SNAP91: variants seen among roughly 807,000 people sequenced by gnomAD.
The protein encoded by SNAP91 is clathrin coat assembly protein AP180.
A neutral mutation model predicts 100.3 loss-of-function variants in SNAP91; 27 were observed. The observed-to-expected ratio is 0.27, with a 90% CI of 0.20 to 0.37. SNAP91 has a LOEUF of 0.37. Ranked by LOEUF, SNAP91 falls within the 10% of genes least tolerant of loss-of-function variation. SNAP91 has a pLI of 1.00. For synonymous variants in SNAP91, 404 were observed against 398.6 expected (o/e 1.01, Z -0.16); for missense variants, 986 against 1,123.7 (o/e 0.88, Z 1.75).
intron 3 of SNAP91, among the ~76,000 whole-genome samples, chr6:83,664,378 T>A (rs1002561027): frequency 6.6e-6 from 1 of 152,098 alleles, no homozygotes; most frequent in African/African-American, 2.4e-5. Context: ...CCATTCTAGA[T>A]GCCATTAAAA....
intron 2 of SNAP91, among the ~76,000 whole-genome samples, chr6:83,701,280 T>A (rs373252171): frequency 6.6e-6 from 1 of 151,948 alleles, no homozygotes; most frequent in South Asian, 2.1e-4. Flanking sequence ...AAGATAGAGA[T>A]GACAGAGAGA....
intron 11 of SNAP91, 104 bp downstream of exon 11, chr6:83,614,753 A>T: frequency 1.2e-6 from 1 of 817,834 alleles, no homozygotes; most frequent in Non-Finnish European, 1.9e-6. Flanking sequence ...AAGGGACAGA[A>T]ATCAGTTTTA....
At chr6:83,601,640 A>T in intron 14 of SNAP91, 41 bp from the exon 15 acceptor site, 1 of 1,604,738 alleles carries the variant, frequency 6.2e-7, no homozygotes, top group Non-Finnish European at 8.5e-7. Context: ...AATAAATAAG[A>T]GCTAAAGTTG....
At chr6:83,597,319 C>A (rs1382733503) in intron 16 of SNAP91, among the ~76,000 whole-genome samples, 5 of 152,070 alleles carry the variant, frequency 3.3e-5, no homozygotes, top group African/African-American at 4.8e-5. Context: ...AGTCAGCCAC[C>A]AGAACTGTGA....
At chr6:83,607,042 T>C (rs1460958551) in intron 13 of SNAP91, among the ~76,000 whole-genome samples, 1 of 152,176 alleles carries the variant, frequency 6.6e-6, no homozygotes. Context: ...AGGGCATTCA[T>C]AATCAGAGTC....
chr6:83,607,799 C>G lies in SNAP91; in HGVS notation c.922G>C (p.Ala308Pro), dbSNP rs2095728801. 1 of 1,578,064 alleles carries G rather than the reference C, an allele frequency of 6.3e-7. No homozygotes were observed. The highest frequency in any genetic ancestry group is 1.4e-5 in the African/African-American group (1 of 74,066). Residue 308 changes from alanine (A) to proline (P), a missense_variant, in exon 13 of 30, where the codon GCC (alanine) becomes CCC (proline). Ala to Pro is a conservative substitution (Grantham distance 27). This residue lies in a region of SNAP91 where 330 missense variants were observed against 447.5 expected (regional missense o/e 0.74). Coordinates refer to ENST00000369694, the MANE Select transcript of SNAP91 (RefSeq NM_001242792.2). The stretch of plus-strand genomic sequence containing the variant: ...GAATTAGGAGACGTAACAGTTGTGG[C>G]TGGAGAAGACTGAAAGTGAAGATGC... ...APSPLSKSSP[A>P]TTVTSPNSTP...
At chr6:83,707,746 T>G in intron 2 of SNAP91, 52 bp downstream of exon 2, 1 of 1,604,254 alleles carries the variant, frequency 6.2e-7, no homozygotes, top group Non-Finnish European at 8.5e-7. Context: ...ACCACCAGCA[T>G]CCCAGGCGCC....
chr6:83,669,128 T>C (rs533105475), intron 2 of SNAP91, among the ~76,000 whole-genome samples: 5 of 152,030 alleles, frequency 3.3e-5, no homozygotes, highest in Non-Finnish European at 7.4e-5. Flanking sequence ...CATTGTAAAG[T>C]TGAAAACTCA....
chr6:83,556,347 GA>G, intron 28 of SNAP91, 102 bp from the exon 29 acceptor site: 1 of 247,954 alleles, frequency 4.0e-6, no homozygotes, highest in Non-Finnish European at 7.5e-6. Context: ...GAGGGGGAGA[GA>G]GAGAGAGAGA....
intron 7 of SNAP91, among the ~76,000 whole-genome samples, chr6:83,643,305 G>A (rs555180234): frequency 2.0e-5 from 3 of 152,304 alleles, no homozygotes; most frequent in Admixed American, 1.3e-4. Flanking sequence ...TTTTCTTCTA[G>A]GGTGTTTATG....
Position 83,696,219 on chromosome 6 carries a change from T to C in SNAP91, c.130+11579A>G, listed in dbSNP as rs557595414. Among the ~76,000 whole-genome samples, 7 of 152,322 alleles carry C rather than the reference T, an allele frequency of 4.6e-5. No homozygotes were observed. The East Asian group carries it at 1.4e-3, about 29-fold the overall frequency. On this transcript the variant is annotated intron_variant, in intron 2 of 29. Transcript: ENST00000369694. ...TCTAACTGAATTATTTAGCTAGAAG[T>C]TGGAAGAGCTGTAGGCTCTACACTT...
Position 83,623,439 on chromosome 6 carries a change from T to A in SNAP91, c.766-97A>T, listed in dbSNP as rs900068420. 4.1e-5 allele frequency: 33 copies of A among 814,048 alleles called. 1 individual carries two copies. In the Admixed American group the frequency reaches 6.5e-4, roughly 16 times the overall value. 50.4% of individuals were successfully genotyped at this position (814,048 alleles called of 1,614,324 possible). A position where few individuals can be genotyped will look rare whatever the true frequency, so the allele number is the denominator to read the frequency against. On this transcript the variant is annotated intron_variant, in intron 8 of 29. Coordinates refer to ENST00000369694, the MANE Select transcript of SNAP91 (RefSeq NM_001242792.2). ...TACACAATTAGTTTAAACAGCTCAA[T>A]ATTGGTGTAAATGAATTATTTTATG...
At chr6:83,559,439 A>G (rs1274910235) in intron 28 of SNAP91, among the ~76,000 whole-genome samples, 1 of 152,208 alleles carries the variant, frequency 6.6e-6, no homozygotes, top group African/African-American at 2.4e-5. Flanking sequence ...ACTTTCCCAG[A>G]TGATGTTTAT....
chr6:83,600,295 G>A (rs1426033033), intron 16 of SNAP91, among the ~76,000 whole-genome samples: 2 of 152,130 alleles, frequency 1.3e-5, no homozygotes, highest in Non-Finnish European at 2.9e-5. Context: ...CAGAGTGGTA[G>A]GTGACAGTGT....
At chr6:83,681,817 A>G (rs1254523149) in intron 2 of SNAP91, among the ~76,000 whole-genome samples, 1 of 152,150 alleles carries the variant, frequency 6.6e-6, no homozygotes, top group Admixed American at 6.5e-5. Flanking sequence ...CATTCCCCCA[A>G]GTGTTCTAGA....
rs775583541 is a variant in SNAP91, at chr6:83,707,944, T to C, written c.-17A>G. 6.4e-7 allele frequency: 1 copy of C among 1,564,542 alleles called. No individual in the cohort carries two copies. Among genetic ancestry groups the C allele is most frequent in the Non-Finnish European group, 8.6e-7 (1 of 1,162,912 alleles). On this transcript the variant is annotated 5_prime_UTR_variant, in exon 2 of 30. Coordinates refer to ENST00000369694, the MANE Select transcript of SNAP91 (RefSeq NM_001242792.2). ...GCCCGACATCTTCTGTGGTCGCGTC[T>C]ACCGCCTCCTCTTCTGCAGGAAACA... is the stretch of plus-strand genomic sequence containing the variant.
At chr6:83,645,676 A>G (rs1201096256) in intron 7 of SNAP91, among the ~76,000 whole-genome samples, 1 of 151,914 alleles carries the variant, frequency 6.6e-6, no homozygotes, top group East Asian at 1.9e-4. Flanking sequence ...GCAAGCCCCT[A>G]TGTCTACAAA....
At chr6:83,559,641 G>A (rs544966883) in intron 28 of SNAP91, among the ~76,000 whole-genome samples, 16 of 152,112 alleles carry the variant, frequency 1.1e-4, no homozygotes, top group African/African-American at 2.4e-4. Flanking sequence ...TGTGTCTTGC[G>A]TCTGGAGTGA....
intron 7 of SNAP91, among the ~76,000 whole-genome samples, chr6:83,642,351 C>T (rs1158052756): frequency 6.6e-6 from 1 of 152,144 alleles, no homozygotes; most frequent in Non-Finnish European, 1.5e-5. Context: ...CCCCTCACCC[C>T]ACAACAGGCC....
Sources: allele counts gnomAD v4.1 joint callset (sites outside exome capture counted in the v4.1 genomes callset), GRCh38; gene constraint gnomAD v4.1.1; regional missense constraint gnomAD v4.1.1; transcripts MANE v1.5; gene names NCBI Gene and HGNC (gene_info 2026-07-23, HGNC 2026-07-21).